Variants in UBE3B observed in about 807,000 individuals in gnomAD.
UBE3B encodes ubiquitin-protein ligase E3B.
Under a neutral mutation model 132.3 loss-of-function variants are expected in UBE3B, and 80 were observed. That is an observed-to-expected ratio of 0.60 (90% CI 0.50 to 0.73). The LOEUF is 0.73. UBE3B is among the 30% of genes least tolerant of loss of function. The probability of loss-of-function intolerance (pLI) is 0.00; values close to 1 mark genes in which losing one functional copy is unlikely to be tolerated. For synonymous variants in UBE3B, 487 were observed against 520.4 expected, an observed-to-expected ratio of 0.94 and a Z score of 0.87; for missense variants, 1,196 against 1,362.5, an observed-to-expected ratio of 0.88 and a Z score of 1.92.
At chr12:109,547,337 A>G in the UBE3B span, among the ~76,000 whole-genome samples, 2 of 151,836 alleles carry the variant, frequency 1.3e-5, no homozygotes, top group East Asian at 3.9e-4. This position sits in a 1 kb window ranked among gnomAD's most constrained non-coding sequence, Gnocchi z 4.1. Context: ...TGGGATGATC[A>G]CTCTTCCCTG....
chr12:109,534,753 A>T lies in UBE3B; in HGVS notation c.3178A>T (p.Ser1060Cys), dbSNP rs139973666. 6.3e-7 allele frequency: 1 copy of T among 1,578,412 alleles called. No homozygotes were observed. Among genetic ancestry groups the T allele is most frequent in the South Asian group, 1.2e-5 (1 of 84,796 alleles). Residue 1060 changes from serine (S) to cysteine (C), a missense_variant, in exon 28 of 28, where the codon AGC becomes TGC. Ser to Cys is a moderately radical substitution (Grantham distance 112). Transcript: ENST00000342494. This position sits in a 1 kb window ranked among gnomAD's most constrained non-coding sequence, Gnocchi z 5.2. ...VLREKLRYAI[S>C]MNTGFELS is the part of the protein sequence containing the mutation. Reference sequence around the variant, plus strand: ...CCGCGAGAAGCTGCGCTACGCCATCAGCATGAACACGGGCTTTGAACTCTC... The same window carrying T: ...CCGCGAGAAGCTGCGCTACGCCATCTGCATGAACACGGGCTTTGAACTCTC...
intron 12 of UBE3B, among the ~76,000 whole-genome samples, chr12:109,500,203 G>A (rs1878787023): frequency 6.6e-6 from 1 of 152,176 alleles, no homozygotes; most frequent in Non-Finnish European, 1.5e-5. Context: ...AAAGGGAATA[G>A]AAATCACCCA....
chr12:109,532,386 CT>C (rs1241213688), intron 26 of UBE3B, among the ~76,000 whole-genome samples: 1 of 152,182 alleles, frequency 6.6e-6, no homozygotes, highest in Admixed American at 6.5e-5. Context: ...TGTTAATACT[CT>C]TTTTAAAACT....
At chr12:109,491,423 T>A (rs1877452380) in intron 9 of UBE3B, 1 of 265,858 alleles carries the variant, frequency 3.8e-6, no homozygotes, top group Admixed American at 5.2e-5. Context: ...TCATTTTTCC[T>A]TTTGAAGTTT....
At chr12:109,486,645 C>T (rs1412287686) in intron 6 of UBE3B, 70 bp downstream of exon 6, 14 of 1,222,292 alleles carry the variant, frequency 1.1e-5, no homozygotes, top group Non-Finnish European at 1.6e-5. Flanking sequence ...CACCTGTAGA[C>T]TTTAGTCTGT....
At chr12:109,526,538 T>C (rs928065194) in intron 24 of UBE3B, 122 bp downstream of exon 24, 18 of 1,031,872 alleles carry the variant, frequency 1.7e-5, no homozygotes, top group Non-Finnish European at 2.3e-5. Context: ...AATATCATAA[T>C]GGAATTTACT....
intron 18 of UBE3B, among the ~76,000 whole-genome samples, chr12:109,513,620 A>G (rs1462635481): frequency 6.6e-6 from 1 of 152,188 alleles, no homozygotes; most frequent in Admixed American, 6.5e-5. Flanking sequence ...TGCTGTGAAT[A>G]AGAAAGTCAG....
At chr12:109,480,816 A>C (rs1875256243) in intron 1 of UBE3B, among the ~76,000 whole-genome samples, 1 of 152,006 alleles carries the variant, frequency 6.6e-6, no homozygotes, top group Non-Finnish European at 1.5e-5. Context: ...AATTAAGAAA[A>C]ATTTCCCGCA....
intron 12 of UBE3B, among the ~76,000 whole-genome samples, chr12:109,500,485 A>G (rs1028837200): frequency 1.3e-5 from 2 of 152,094 alleles, no homozygotes; most frequent in Non-Finnish European, 2.9e-5. Flanking sequence ...AAATCCCCAA[A>G]TTTTTCTTTT....
chr12:109,481,252 G>GT (rs886702515), intron 1 of UBE3B, among the ~76,000 whole-genome samples: 9 of 151,368 alleles, frequency 5.9e-5, no homozygotes, highest in African/African-American at 2.2e-4. Context: ...GGGAGCAGAA[G>GT]TTATAGTGAG....
chr12:109,539,306 T>G (rs1193228592), downstream of UBE3B, among the ~76,000 whole-genome samples: 1 of 152,216 alleles, frequency 6.6e-6, no homozygotes, highest in East Asian at 1.9e-4. Flanking sequence ...CTCACCACCC[T>G]CTGGAGCGTG....
intron 9 of UBE3B, among the ~76,000 whole-genome samples, chr12:109,497,135 T>C (rs895990359): frequency 3.3e-5 from 5 of 152,104 alleles, no homozygotes; most frequent in African/African-American, 1.2e-4. Flanking sequence ...AAGCAATACA[T>C]GCTTATTGTA....
rs1428464363 is a variant in UBE3B, at chr12:109,488,607, G to A, written c.483G>A (p.Leu161=). Residue 161 remains leucine, a synonymous_variant, in exon 7 of 28, where the codon CTG becomes CTA. Coordinates refer to ENST00000342494, the MANE Select transcript of UBE3B (RefSeq NM_130466.4). ...TGCAGGACTCCCGACTCATCACCCT[G>A]TACCTCACGATGCTTGTCACCTTCA... ...EILQDSRLIT[L]YLTMLVTFTD... is the part of the protein sequence containing the mutation. The A allele has an allele frequency of 3.1e-6, 5 of 1,614,148 alleles. No homozygotes were observed. Among genetic ancestry groups the A allele is most frequent in the Admixed American group, 1.7e-5 (1 of 60,028 alleles).
chr12:109,504,167 C>T (rs1413912648), intron 14 of UBE3B, among the ~76,000 whole-genome samples: 1 of 152,226 alleles, frequency 6.6e-6, no homozygotes, highest in Non-Finnish European at 1.5e-5. Context: ...TTATGGATGT[C>T]TTGGGCTGGC....
chr12:109,498,161 G>A, intron 10 of UBE3B, 72 bp from the exon 11 acceptor site: 2 of 1,583,806 alleles, frequency 1.3e-6, no homozygotes, highest in Non-Finnish European at 1.7e-6. Context: ...TGATCTGCAA[G>A]TGATCAAGTT....
chr12:109,528,750 T>C (rs1882634386), intron 24 of UBE3B, among the ~76,000 whole-genome samples: 1 of 151,636 alleles, frequency 6.6e-6, no homozygotes, highest in Non-Finnish European at 1.5e-5. Context: ...CTCAGGAGAC[T>C]GAGGCAGGAA....
chr12:109,544,836 G>A, the UBE3B span, among the ~76,000 whole-genome samples: 383 of 152,336 alleles, frequency 2.5e-3, 3 homozygotes, highest in African/African-American at 8.9e-3. Flanking sequence ...TGGGCACAGC[G>A]ATCTTGGCAA....
At position 109,497,893 on chromosome 12, in the gene UBE3B, G is replaced by A; in HGVS notation, c.789G>A (p.Leu263=). 6.2e-7 allele frequency: 1 copy of A among 1,614,110 alleles called. No homozygotes were observed. Among genetic ancestry groups the A allele is most frequent in the Non-Finnish European group, 8.5e-7 (1 of 1,180,022 alleles). ...TCCACATCATGTCTGTGCCTGCTCTGGTGACTCATCTCAGCACAGTGACCC... is the reference window on the plus strand; with the variant it reads ...TCCACATCATGTCTGTGCCTGCTCTAGTGACTCATCTCAGCACAGTGACCC... ...FLIHIMSVPA[L]VTHLSTVTPE... is the part of the protein sequence containing the mutation. Residue 263 remains leucine, a synonymous_variant, in exon 10 of 28, where the codon CTG becomes CTA. Transcript: ENST00000342494.
chr12:109,520,211 ACT>A (rs959579059), intron 19 of UBE3B: 3 of 151,868 alleles, frequency 2.0e-5, no homozygotes, highest in Admixed American at 2.0e-4. Context: ...GGGCCAACAG[ACT>A]CTTCCCTGGG....
Sources: gnomAD v4.1 joint callset for allele counts (sites outside exome capture counted in the v4.1 genomes callset) on GRCh38, gnomAD v4.1.1 for gene constraint, Gnocchi (gnomAD v3.1) non-coding constraint, MANE v1.5 for transcripts, NCBI Gene and HGNC (gene_info 2026-07-23, HGNC 2026-07-21) for gene names.